TTLL9: variants seen among roughly 807,000 people sequenced by gnomAD.
The protein encoded by TTLL9 is tubulin tyrosine ligase like 9.
In TTLL9, 47 loss-of-function variants were observed where a neutral mutation model predicts 65.6. The observed-to-expected ratio is 0.72, with a 90% CI of 0.57 to 0.91. The LOEUF (loss-of-function observed/expected upper bound fraction) is 0.91, where lower values mean the gene tolerates loss of function less well. TTLL9 is among the 40% of genes least tolerant of loss of function. TTLL9 has a pLI of 0.00. For missense variants in TTLL9, 537 were observed against 568.8 expected (o/e 0.94, Z 0.57); for synonymous variants, 179 against 204.8 (o/e 0.87, Z 1.07).
intron 2 of TTLL9, among the ~76,000 whole-genome samples, chr20:31,880,852 CTTTTTTTTTTT>C (rs35047352): frequency 1.8e-5 from 2 of 108,258 alleles, no homozygotes; most frequent in African/African-American, 3.8e-5. Flanking sequence ...TCTTTCTTTC[CTTTTTTTTTTT>C]TTTTTTTTTG....
chr20:31,917,175 C>A (rs951786189), intron 6 of TTLL9, among the ~76,000 whole-genome samples: 6 of 152,072 alleles, frequency 3.9e-5, no homozygotes, highest in African/African-American at 1.4e-4. Flanking sequence ...TAATCAGCAC[C>A]CAGGTCATAA....
At chr20:31,894,566 T>C (rs952266529) in intron 3 of TTLL9, among the ~76,000 whole-genome samples, 7 of 152,210 alleles carry the variant, frequency 4.6e-5, no homozygotes, top group African/African-American at 1.4e-4. Context: ...ATGTATTACA[T>C]TTCCCTGCTT....
chr20:31,938,087 CCTCCCTCTCCCT>C (rs1167484225), intron 13 of TTLL9: 1 of 165,988 alleles, frequency 6.0e-6, no homozygotes, highest in Non-Finnish European at 1.2e-5. Flanking sequence ...CCTCTCCCTC[CCTCCCTCTCCCT>C]CTCCCTCTCC....
rs1045132890 is a variant in TTLL9 at position 31,879,984 on chromosome 20, G to A, written c.70-7212G>A. 230 of 935,704 alleles carry A rather than the reference G, an allele frequency of 2.5e-4. 2 individuals carry two copies. The East Asian group carries it at 7.4e-3, about 30-fold the overall frequency. 58.0% of individuals were successfully genotyped at this position (935,704 alleles called of 1,614,324 possible). A position where few individuals can be genotyped will look rare whatever the true frequency, so the allele number is the denominator to read the frequency against. ...AGGGATTCAAAATCGGTTGGGGATG[G>A]GTGTTCCTCGCGGAATGGGTAGGGG... On this transcript the variant is annotated intron_variant, in intron 2 of 14. Transcript: ENST00000535842.
intron 6 of TTLL9, among the ~76,000 whole-genome samples, chr20:31,915,569 AT>A (rs1166398295): frequency 1.3e-5 from 2 of 152,168 alleles, no homozygotes; most frequent in Non-Finnish European, 2.9e-5. Context: ...TTATCCTGTG[AT>A]TTTGTGTATC....
rs1229297340 is a variant in TTLL9 at position 31,939,146 on chromosome 20, A to C, written c.1123A>C (p.Thr375Pro). ...LHVVDMEARL[T>P]GREKRVGGFD... is the part of the protein sequence containing the mutation. ...GTGGGCCTCCTTCCTGTCCAGGCTCACGGGAAGGGAGAAGCGAGTCGGGGG... is the reference window on the plus strand; with the variant it reads ...GTGGGCCTCCTTCCTGTCCAGGCTCCCGGGAAGGGAGAAGCGAGTCGGGGG... The change falls in exon 14 of 15, where the codon ACG becomes CCG. Residue 375 changes from threonine to proline, a missense_variant. Around this residue, in one of 3 missense-constraint regions of TTLL9, gnomAD observed 205 missense variants for 225.9 expected, o/e 0.91. Coordinates refer to ENST00000535842, the MANE Select transcript of TTLL9 (RefSeq NM_001008409.5). 1 of 1,583,962 alleles carries C rather than the reference A, an allele frequency of 6.3e-7. No individual in the cohort carries two copies. The highest frequency in any genetic ancestry group is 1.7e-5 in the Admixed American group (1 of 57,402).
intron 6 of TTLL9, among the ~76,000 whole-genome samples, chr20:31,914,147 A>T (rs1442602931): frequency 1.3e-5 from 2 of 152,234 alleles, no homozygotes; most frequent in Non-Finnish European, 2.9e-5. Flanking sequence ...ACATTTTAAC[A>T]TTCCATCACA....
chr20:31,935,964 AC>A (rs2064102342), intron 12 of TTLL9, among the ~76,000 whole-genome samples: 1 of 152,166 alleles, frequency 6.6e-6, no homozygotes, highest in Non-Finnish European at 1.5e-5. Context: ...GCTGCACAGG[AC>A]CACAGATGGC....
Position 31,912,603 on chromosome 20 carries a change from ATGTGTGTGTGTG to A in TTLL9, c.504+2711_504+2722del, listed in dbSNP as rs61107814. Among the ~76,000 whole-genome samples, 1,217 of 141,096 alleles carry A rather than the reference ATGTGTGTGTGTG, an allele frequency of 8.6e-3. 20 individuals are homozygous for A. The highest frequency in any genetic ancestry group is 0.028 in the African/African-American group (1,078 of 38,330). 92.6% of individuals were successfully genotyped at this position (141,096 alleles called of 152,430 possible). The stretch of plus-strand genomic sequence containing the variant: ...AGTGTGTGTGTGTGCGTGTATGTGT[ATGTGTGTGTGTG>A]TGTGTGTGTGTGTGTGTGTGTGTGT... On this transcript the variant is annotated intron_variant, in intron 6 of 14. Coordinates refer to ENST00000535842, the MANE Select transcript of TTLL9 (RefSeq NM_001008409.5).
chr20:31,943,397 C>T lies in TTLL9; in HGVS notation c.*376C>T. Reference sequence around the variant, plus strand: ...GGCACCAGGCCTGGTTCCGGGGATACTGTTGGCTGCAGCCAAGTCCTCCTG... The same window carrying T: ...GGCACCAGGCCTGGTTCCGGGGATATTGTTGGCTGCAGCCAAGTCCTCCTG... On this transcript the variant is annotated 3_prime_UTR_variant, in exon 15 of 15. Transcript: ENST00000535842. The T allele has an allele frequency of 6.0e-6, 2 of 333,838 alleles. No individual in the cohort carries two copies. The highest frequency in any genetic ancestry group is 7.2e-5 in the East Asian group (1 of 13,872). 20.7% of individuals were successfully genotyped at this position (333,838 alleles called of 1,614,324 possible). A position where few individuals can be genotyped will look rare whatever the true frequency, so the allele number is the denominator to read the frequency against.
At position 31,939,285 on chromosome 20, in the gene TTLL9, G is replaced by A; in HGVS notation, c.1243+19G>A. 1.9e-6 allele frequency: 3 copies of A among 1,612,910 alleles called. No homozygotes were observed. Among genetic ancestry groups the A allele is most frequent in the Non-Finnish European group, 2.5e-6 (3 of 1,179,640 alleles). Reference sequence around the variant, plus strand: ...CATCTCGGTATGTAGGGCCAGGTGGGGAGTGGGCACAAGGGATGGGGTCAT... The same window carrying A: ...CATCTCGGTATGTAGGGCCAGGTGGAGAGTGGGCACAAGGGATGGGGTCAT... On this transcript the variant is annotated intron_variant, in intron 14 of 14. Coordinates refer to ENST00000535842, the MANE Select transcript of TTLL9 (RefSeq NM_001008409.5).
At chr20:31,901,165 A>G (rs2123473664) in intron 4 of TTLL9, 1 of 152,494 alleles carries the variant, frequency 6.6e-6, no homozygotes, top group East Asian at 1.9e-4. Context: ...CTTCCCCCTG[A>G]GAAAGATACA....
intron 2 of TTLL9, among the ~76,000 whole-genome samples, chr20:31,872,776 A>G (rs1210525695): frequency 6.6e-6 from 1 of 152,236 alleles, no homozygotes; most frequent in Non-Finnish European, 1.5e-5. Flanking sequence ...CAAAAGCCCT[A>G]TGATGGGAAT....
At chr20:31,902,945 C>G (rs2063499138) in intron 4 of TTLL9, among the ~76,000 whole-genome samples, 1 of 152,092 alleles carries the variant, frequency 6.6e-6, no homozygotes, top group Admixed American at 6.6e-5. Flanking sequence ...CCAACTACAA[C>G]CTTGACCTCC....
chr20:31,889,556 G>A (rs2063252572), intron 3 of TTLL9, among the ~76,000 whole-genome samples: 1 of 151,632 alleles, frequency 6.6e-6, no homozygotes. Flanking sequence ...CCTAGTAGCT[G>A]GGACTACAGG....
chr20:31,941,046 T>C (rs1470175978), intron 14 of TTLL9: 1 of 151,236 alleles, frequency 6.6e-6, no homozygotes, highest in Non-Finnish European at 1.5e-5. Context: ...TGAAACACTG[T>C]CTCTACTAAA....
intron 13 of TTLL9, among the ~76,000 whole-genome samples, chr20:31,938,742 G>A (rs1486447668): frequency 1.3e-5 from 2 of 152,178 alleles, no homozygotes; most frequent in Non-Finnish European, 2.9e-5. Context: ...GCTGGGTGTG[G>A]TGGTGTGCGC....
rs186100252 is a variant in TTLL9, at chr20:31,906,381, G to T, written c.207-2210G>T. Reference sequence around the variant, plus strand: ...TCACTAGGGCAGACAGCCGAAGAAGGTTCTCATGGGTTCTCCTTGCGGCCT... The same window carrying T: ...TCACTAGGGCAGACAGCCGAAGAAGTTTCTCATGGGTTCTCCTTGCGGCCT... On this transcript the variant is annotated intron_variant, in intron 4 of 14. Transcript: ENST00000535842. Among the ~76,000 whole-genome samples the T allele has an allele frequency of 2.0e-3, 301 of 152,302 alleles. 1 individual carries two copies. The highest frequency in any genetic ancestry group is 7.1e-3 in the African/African-American group (294 of 41,554).
intron 4 of TTLL9, among the ~76,000 whole-genome samples, chr20:31,907,658 T>C (rs1471988347): frequency 6.6e-6 from 1 of 150,908 alleles, no homozygotes; most frequent in Non-Finnish European, 1.5e-5. Context: ...GAGGAGGAGG[T>C]TGCAGTGAAC....
Sources: gnomAD v4.1 joint callset for allele counts (sites outside exome capture counted in the v4.1 genomes callset) on GRCh38, gnomAD v4.1.1 for gene constraint, gnomAD v4.1.1 regional missense constraint, MANE v1.5 for transcripts, NCBI Gene and HGNC (gene_info 2026-07-23, HGNC 2026-07-21) for gene names.